Variants in CAMKMT observed in about 807,000 individuals in gnomAD.
The protein encoded by CAMKMT is calmodulin-lysine N-methyltransferase, also known as CaM KMT.
Under a neutral mutation model 48.0 loss-of-function variants are expected in CAMKMT, and 53 were observed. The observed-to-expected ratio is 1.10, with a 90% CI of 0.89 to 1.39. The LOEUF (loss-of-function observed/expected upper bound fraction) is 1.39. CAMKMT is among the 40% of genes most tolerant of loss of function. The pLI is 0.00. For synonymous variants in CAMKMT, 165 were observed against 152.3 expected (o/e 1.08, Z -0.61); for missense variants, 428 against 402.7 (o/e 1.06, Z -0.54).
chr2:44,579,183 G>A (rs539648104), intron 3 of CAMKMT, among the ~76,000 whole-genome samples: 10 of 152,048 alleles, frequency 6.6e-5, no homozygotes, highest in Non-Finnish European at 1.3e-4. Context: ...TCAGATTAGG[G>A]CAGAAGGTTG....
chr2:44,639,873 T>G (rs1429159942), intron 3 of CAMKMT, among the ~76,000 whole-genome samples: 2 of 152,204 alleles, frequency 1.3e-5, no homozygotes, highest in African/African-American at 4.8e-5. Context: ...CATAATGCAT[T>G]TGTAAATATT....
chr2:44,715,179 C>T (rs980535180), intron 6 of CAMKMT, 108 bp from the exon 7 acceptor site: 246 of 674,164 alleles, frequency 3.6e-4, no homozygotes, highest in Non-Finnish European at 4.7e-4. Context: ...GGCAACAGAG[C>T]GAGACCCTGT....
chr2:44,743,541 C>CA (rs904974735), intron 7 of CAMKMT, 81 bp from the exon 8 acceptor site: 3 of 983,472 alleles, frequency 3.1e-6, no homozygotes, highest in South Asian at 1.5e-5. Context: ...TCAAGTGCCA[C>CA]AAAAAAATAA....
At chr2:44,549,763 AC>A in intron 3 of CAMKMT, 1 of 457,956 alleles carries the variant, frequency 2.2e-6, no homozygotes, top group Non-Finnish European at 3.8e-6. Flanking sequence ...ATGTCTGTAA[AC>A]TCCACTCCCT....
chr2:44,542,029 T>C (rs113519781), intron 3 of CAMKMT, among the ~76,000 whole-genome samples: 11,294 of 150,784 alleles, frequency 0.075, 464 homozygotes, highest in African/African-American at 0.093. Context: ...CTTGGGAGGC[T>C]GAGGCAGGAG....
chr2:44,603,038 A>G (rs1022418812), intron 3 of CAMKMT, among the ~76,000 whole-genome samples: 3 of 151,446 alleles, frequency 2.0e-5, no homozygotes, highest in Non-Finnish European at 2.9e-5. Context: ...CAACCTATAT[A>G]TACACACACA....
At chr2:44,502,308 C>A (rs1021479828) in intron 3 of CAMKMT, among the ~76,000 whole-genome samples, 6 of 152,066 alleles carry the variant, frequency 3.9e-5, no homozygotes, top group Non-Finnish European at 7.4e-5. Context: ...TCCCCTAAAC[C>A]CTGCCCTGTG....
At chr2:44,437,838 C>CAAAAAA (rs370663723) in intron 3 of CAMKMT, among the ~76,000 whole-genome samples, 2 of 120,492 alleles carry the variant, frequency 1.7e-5, no homozygotes, top group Admixed American at 9.1e-5. Flanking sequence ...GACTCTGCTA[C>CAAAAAA]AAAAAAAAAA....
rs1161798119 is a variant in CAMKMT, at chr2:44,520,234, A to G, written c.376+129929A>G. Among the ~76,000 whole-genome samples the G allele has an allele frequency of 1.3e-4, 20 of 151,904 alleles. No individual in the cohort carries two copies. The South Asian group carries it at 4.0e-3, about 30-fold the overall frequency. On this transcript the variant is annotated intron_variant, in intron 3 of 10. Coordinates refer to ENST00000378494, the MANE Select transcript of CAMKMT (RefSeq NM_024766.5). ...ACTCTGTCTCAAAAAATAAATACAT[A>G]AATAAATTTATTTTAGTTGAGATGG...
At chr2:44,429,051 G>T (rs541323328) in intron 3 of CAMKMT, among the ~76,000 whole-genome samples, 1 of 152,292 alleles carries the variant, frequency 6.6e-6, no homozygotes, top group African/African-American at 2.4e-5. Flanking sequence ...TTCCAGTCAT[G>T]TTGAACTTAA....
intron 3 of CAMKMT, among the ~76,000 whole-genome samples, chr2:44,506,263 A>C (rs2104755285): frequency 1.3e-5 from 2 of 152,256 alleles, no homozygotes. Context: ...GAAATAAGGA[A>C]AGTTGAAATT....
intron 3 of CAMKMT, among the ~76,000 whole-genome samples, chr2:44,691,920 T>G (rs1676677106): frequency 6.6e-6 from 1 of 152,174 alleles, no homozygotes; most frequent in Non-Finnish European, 1.5e-5. Context: ...TCTCTCCTAC[T>G]CAGATGTTCT....
intron 3 of CAMKMT, among the ~76,000 whole-genome samples, chr2:44,627,778 C>G (rs1672576268): frequency 7.9e-6 from 1 of 126,834 alleles, no homozygotes; most frequent in African/African-American, 3.0e-5. Context: ...GGTGCAATCT[C>G]AGACTCTGCC....
At chr2:44,587,965 T>A (rs2103800674) in intron 3 of CAMKMT, among the ~76,000 whole-genome samples, 2 of 124,826 alleles carry the variant, frequency 1.6e-5, no homozygotes, top group South Asian at 5.8e-4. Flanking sequence ...GGAGCCTCTC[T>A]GCCTGGCTGC....
chr2:44,452,642 A>G (rs1667351779), intron 3 of CAMKMT, among the ~76,000 whole-genome samples: 1 of 152,050 alleles, frequency 6.6e-6, no homozygotes, highest in South Asian at 2.1e-4. Context: ...TTGATATTCC[A>G]AAGTTGGAAA....
chr2:44,491,579 A>T (rs926142243), intron 3 of CAMKMT, among the ~76,000 whole-genome samples: 19 of 152,216 alleles, frequency 1.2e-4, no homozygotes, highest in Admixed American at 1.2e-3. Flanking sequence ...AATTTAATTG[A>T]GCTATTCATA....
At chr2:44,756,852 G>A (rs901052430) in intron 9 of CAMKMT, among the ~76,000 whole-genome samples, 23 of 152,114 alleles carry the variant, frequency 1.5e-4, no homozygotes, top group African/African-American at 4.1e-4. Context: ...CAAGTTCTCC[G>A]TGCACTTCCA....
At chr2:44,730,327 T>C (rs1486401548) in intron 7 of CAMKMT, among the ~76,000 whole-genome samples, 1 of 152,188 alleles carries the variant, frequency 6.6e-6, no homozygotes, top group Non-Finnish European at 1.5e-5. Flanking sequence ...CCCCAACTTG[T>C]CCAGTCCACA....
intron 3 of CAMKMT, among the ~76,000 whole-genome samples, chr2:44,409,773 T>A (rs1364682874): frequency 1.3e-5 from 2 of 152,190 alleles, no homozygotes; most frequent in African/African-American, 2.4e-5. Flanking sequence ...AAAATCACTG[T>A]TTTTTTAATT....
Sources: gnomAD v4.1 joint callset for allele counts (sites outside exome capture counted in the v4.1 genomes callset) on GRCh38, gnomAD v4.1.1 for gene constraint, MANE v1.5 for transcripts, NCBI Gene and HGNC (gene_info 2026-07-23, HGNC 2026-07-21) for gene names.